Variants in ACKR2 observed in about 807,000 individuals in gnomAD.
The protein encoded by ACKR2 is C-C chemokine receptor D6.
For missense variants in ACKR2, 457 were observed against 477.3 expected, an observed-to-expected ratio of 0.96 and a Z score of 0.40; for synonymous variants, 207 against 192.2, an observed-to-expected ratio of 1.08 and a Z score of -0.64.
At chr3:42,854,447 T>C (rs917570623) in intron 2 of ACKR2, among the ~76,000 whole-genome samples, 1 of 152,114 alleles carries the variant, frequency 6.6e-6, no homozygotes, top group African/African-American at 2.4e-5. Context: ...TGTCGGAACC[T>C]CAACCTTCGA....
intron 2 of ACKR2, among the ~76,000 whole-genome samples, chr3:42,844,879 C>G (rs542746270): frequency 6.6e-6 from 1 of 152,302 alleles, no homozygotes; most frequent in African/African-American, 2.4e-5. Context: ...ATGGTGCCAC[C>G]TGGTTCTTGG....
chr3:42,844,522 T>G (rs1341034668), intron 2 of ACKR2, among the ~76,000 whole-genome samples: 2 of 152,156 alleles, frequency 1.3e-5, no homozygotes, highest in Non-Finnish European at 2.9e-5. Context: ...AAGACAGGCT[T>G]TGTTAGCCAG....
chr3:42,863,955 C>G (rs561177202), intron 2 of ACKR2, among the ~76,000 whole-genome samples: 3 of 152,156 alleles, frequency 2.0e-5, no homozygotes, highest in Admixed American at 1.3e-4. Context: ...ATGTATATAC[C>G]TATGTAACAA....
chr3:42,865,011 CTG>C lies in ACKR2; in HGVS notation c.513_514del (p.Ser172ProfsTer7). 6.2e-7 allele frequency: 1 copy of C among 1,614,142 alleles called. No individual in the cohort carries two copies. The highest frequency in any genetic ancestry group is 8.5e-7 in the Non-Finnish European group (1 of 1,180,026). On this transcript the variant is annotated frameshift_variant, in exon 3 of 3. Transcript: ENST00000422265. LOFTEE classifies it low-confidence loss of function (END_TRUNC). ...CTGCTCCTTGCTACCATAGTATGGG[CTG>C]TGTCCCTGGCCGTCTCCATCCCTGA...
At chr3:42,850,752 C>T (rs887768012) in intron 2 of ACKR2, among the ~76,000 whole-genome samples, 1 of 152,170 alleles carries the variant, frequency 6.6e-6, no homozygotes, top group Non-Finnish European at 1.5e-5. Context: ...AGATATGGTC[C>T]TTCCCCTGAG....
At position 42,833,859 on chromosome 3, in the gene ACKR2, G is replaced by A. The variant is rs114360954; in HGVS notation, c.-38+14148G>A. On this transcript the variant is annotated intron_variant, in intron 2 of 2. Transcript: ENST00000422265. ...AAACCCAGATTTTCAACCCTGTGTTGAGCAAGTCTTACAAGAGCCATTTTT... is the reference window on the plus strand; with the variant it reads ...AAACCCAGATTTTCAACCCTGTGTTAAGCAAGTCTTACAAGAGCCATTTTT... 8.3e-3 allele frequency among the ~76,000 whole-genome samples: 1,263 copies of A among 152,112 alleles called. 8 individuals carry two copies. Among genetic ancestry groups the A allele is most frequent in the Non-Finnish European group, 0.014 (919 of 67,990 alleles).
At chr3:42,846,470 A>G (rs781643692) in intron 2 of ACKR2, among the ~76,000 whole-genome samples, 1 of 152,304 alleles carries the variant, frequency 6.6e-6, no homozygotes, top group East Asian at 1.9e-4. Flanking sequence ...CTAGCCTTAC[A>G]GTATGTGATC....
intron 2 of ACKR2, among the ~76,000 whole-genome samples, chr3:42,853,313 C>T (rs955979357): frequency 6.6e-6 from 1 of 152,124 alleles, no homozygotes; most frequent in Non-Finnish European, 1.5e-5. Flanking sequence ...ACTTTACTCC[C>T]CTTCTCTGAG....
intron 2 of ACKR2, among the ~76,000 whole-genome samples, chr3:42,832,971 C>T: frequency 6.6e-6 from 1 of 152,186 alleles, no homozygotes; most frequent in East Asian, 1.9e-4. Context: ...TTAAGTGATC[C>T]TCCCACCTCA....
intron 2 of ACKR2, among the ~76,000 whole-genome samples, chr3:42,844,644 G>A (rs923457809): frequency 6.6e-6 from 1 of 152,206 alleles, no homozygotes; most frequent in Non-Finnish European, 1.5e-5. Context: ...CCTGCTACAG[G>A]AGCTCTGCCA....
intron 2 of ACKR2, among the ~76,000 whole-genome samples, chr3:42,861,758 A>G (rs2088386161): frequency 6.6e-6 from 1 of 152,214 alleles, no homozygotes; most frequent in Non-Finnish European, 1.5e-5. Flanking sequence ...AACCAATGAC[A>G]AAAACCACAT....
intron 1 of ACKR2, among the ~76,000 whole-genome samples, chr3:42,809,941 A>G (rs1232319184): frequency 6.6e-6 from 1 of 151,848 alleles, no homozygotes; most frequent in South Asian, 2.1e-4. Context: ...TCTATTTTCT[A>G]TGACTTGCTT....
chr3:42,862,810 C>T (rs183767997), intron 2 of ACKR2, among the ~76,000 whole-genome samples: 42 of 152,140 alleles, frequency 2.8e-4, no homozygotes, highest in Admixed American at 8.5e-4. Flanking sequence ...TAGCCATATG[C>T]AAAGAACTGA....
intron 2 of ACKR2, among the ~76,000 whole-genome samples, chr3:42,841,246 A>T (rs749845642): frequency 3.3e-5 from 5 of 152,214 alleles, no homozygotes; most frequent in Non-Finnish European, 7.3e-5. Context: ...AGTGGGTCTG[A>T]ATTTCCAGGA....
chr3:42,821,015 G>T (rs1472947743), intron 2 of ACKR2, among the ~76,000 whole-genome samples: 3 of 151,998 alleles, frequency 2.0e-5, no homozygotes, highest in Admixed American at 6.5e-5. Context: ...CTCCCGAGTA[G>T]CTGGGATTAC....
chr3:42,840,844 C>A (rs1018890712), intron 2 of ACKR2, among the ~76,000 whole-genome samples: 2 of 152,182 alleles, frequency 1.3e-5, no homozygotes, highest in South Asian at 2.1e-4. Flanking sequence ...CATGCCACCA[C>A]GTCTGGCTAA....
intron 2 of ACKR2, chr3:42,856,526 T>A: frequency 1.1e-5 from 7 of 637,658 alleles, no homozygotes; most frequent in Admixed American, 5.0e-5. Context: ...ATGTTTGCAA[T>A]ACATATGAAA....
At chr3:42,856,052 A>G (rs1041231090) in intron 2 of ACKR2, 22 of 305,328 alleles carry the variant, frequency 7.2e-5, no homozygotes, top group African/African-American at 4.1e-4. Context: ...GCAGCAGCTC[A>G]CAGGCTCCCA....
At chr3:42,850,381 C>T (rs1161541519) in intron 2 of ACKR2, among the ~76,000 whole-genome samples, 3 of 152,120 alleles carry the variant, frequency 2.0e-5, no homozygotes, top group Admixed American at 2.0e-4. Flanking sequence ...TTGCAAAAAC[C>T]GAGGCCCAGA....
Sources: gnomAD v4.1 joint callset for allele counts (sites outside exome capture counted in the v4.1 genomes callset) on GRCh38, gnomAD v4.1.1 for gene constraint, MANE v1.5 for transcripts, NCBI Gene and HGNC (gene_info 2026-07-23, HGNC 2026-07-21) for gene names.